ATXN3: variants seen among roughly 807,000 people sequenced by gnomAD.
ATXN3 encodes the protein ataxin 3.
ATXN3 carries 28 observed loss-of-function variants against 58.2 expected under a neutral mutation model. The ratio of observed to expected loss-of-function variants is 0.48; its 90% CI spans 0.36 to 0.66. The LOEUF (loss-of-function observed/expected upper bound fraction) is 0.66, where lower values mean the gene tolerates loss of function less well. Ranked by LOEUF, ATXN3 falls within the 30% of genes least tolerant of loss-of-function variation. ATXN3 has a pLI of 0.00. For synonymous variants in ATXN3, 113 were observed against 138.5 expected, an observed-to-expected ratio of 0.82 and a Z score of 1.29; for missense variants, 321 against 422.1, an observed-to-expected ratio of 0.76 and a Z score of 2.10.
At chr14:92,097,120 A>G (rs534755253) in intron 1 of ATXN3, among the ~76,000 whole-genome samples, 9 of 152,114 alleles carry the variant, frequency 5.9e-5, no homozygotes, top group African/African-American at 9.6e-5. Context: ...TGTGTTAGCC[A>G]GGATGGTCTT....
intron 5 of ATXN3, among the ~76,000 whole-genome samples, chr14:92,091,364 T>C (rs372281452): frequency 9.9e-5 from 15 of 152,100 alleles, no homozygotes; most frequent in Admixed American, 5.9e-4. Flanking sequence ...GACAAGAGAA[T>C]TGCTTGAACC....
intron 7 of ATXN3, 73 bp from the exon 8 acceptor site, chr14:92,082,539 T>C (rs928268752): frequency 1.5e-6 from 2 of 1,372,416 alleles, no homozygotes; most frequent in Admixed American, 2.3e-5. Flanking sequence ...GCATTTGTAA[T>C]GTAAAGGCTT....
rs957551785 is a variant in ATXN3, at chr14:92,062,260, A to C, written c.*2060T>G. Reference sequence around the variant, plus strand: ...AGACATAGCAAGACTCCGTCTCAAAAAAAAACAAAAACAAAAACAAAAACT... The same window carrying C: ...AGACATAGCAAGACTCCGTCTCAAACAAAAACAAAAACAAAAACAAAAACT... On this transcript the variant is annotated 3_prime_UTR_variant, in exon 11 of 11. Coordinates refer to ENST00000644486, the MANE Select transcript of ATXN3 (RefSeq NM_004993.6). 4 of 152,194 alleles carry C rather than the reference A, an allele frequency of 2.6e-5. No individual in the cohort carries two copies. Among genetic ancestry groups the C allele is most frequent in the Admixed American group, 2.0e-4 (3 of 15,280 alleles). 9.4% of individuals were successfully genotyped at this position (152,194 alleles called of 1,614,324 possible). A position where few individuals can be genotyped will look rare whatever the true frequency, so the allele number is the denominator to read the frequency against.
At chr14:92,069,799 T>A (rs1189029273) in intron 10 of ATXN3, among the ~76,000 whole-genome samples, 1 of 152,228 alleles carries the variant, frequency 6.6e-6, no homozygotes, top group Non-Finnish European at 1.5e-5. Context: ...GCCAAACTGT[T>A]TTCCAAAGCT....
intron 9 of ATXN3, among the ~76,000 whole-genome samples, chr14:92,079,185 C>CAA (rs35515547): frequency 0.013 from 975 of 76,662 alleles, 31 homozygotes; most frequent in East Asian, 0.033. Flanking sequence ...GACTCCATCT[C>CAA]AAAAAAAAAA....
downstream of ATXN3, among the ~76,000 whole-genome samples, chr14:92,057,480 G>C (rs927759565): frequency 1.3e-5 from 2 of 152,026 alleles, no homozygotes; most frequent in Admixed American, 6.6e-5. Flanking sequence ...CCTCAGGGCT[G>C]CTCTACCTAT....
At position 92,100,464 on chromosome 14, in the gene ATXN3, G is replaced by T. The variant is rs547101726; in HGVS notation, c.25-3626C>A. ...CAAATGGATAGCTGGGATCACAGTAGAATGGAAATTGTGTTTACTCACAAA... is the reference window on the plus strand; with the variant it reads ...CAAATGGATAGCTGGGATCACAGTATAATGGAAATTGTGTTTACTCACAAA... On this transcript the variant is annotated intron_variant, in intron 1 of 10. Coordinates refer to ENST00000644486, the MANE Select transcript of ATXN3 (RefSeq NM_004993.6). 8.5e-5 allele frequency among the ~76,000 whole-genome samples: 13 copies of T among 152,108 alleles called. No homozygotes were observed. The South Asian group carries it at 2.7e-3, about 32-fold the overall frequency.
intron 3 of ATXN3, 43 bp from the exon 4 acceptor site, chr14:92,093,874 A>C (rs931236409): frequency 8.2e-7 from 1 of 1,222,138 alleles, no homozygotes; most frequent in Non-Finnish European, 1.2e-6. Context: ...AAACCACTCC[A>C]TTCCAAATTT....
chr14:92,103,570 G>C (rs919494857), intron 1 of ATXN3, among the ~76,000 whole-genome samples: 2 of 152,074 alleles, frequency 1.3e-5, no homozygotes, highest in Non-Finnish European at 2.9e-5. Context: ...CAAGTCTACA[G>C]GCATGTGCTA....
At chr14:92,051,958 C>T (rs958238366), upstream of ATXN3, among the ~76,000 whole-genome samples, 45 of 151,310 alleles carry the variant, frequency 3.0e-4, 1 homozygote, top group African/African-American at 1.1e-3. Context: ...AACTCCTGAC[C>T]TCATGATGCA....
intron 2 of ATXN3, chr14:92,096,467 A>G: frequency 1.3e-6 from 1 of 772,418 alleles, no homozygotes; most frequent in African/African-American, 1.8e-5. Flanking sequence ...TAACAAAGAT[A>G]CAAAAAATTA....
chr14:92,089,581 G>A (rs997861397), intron 5 of ATXN3, among the ~76,000 whole-genome samples: 5 of 151,964 alleles, frequency 3.3e-5, no homozygotes, highest in East Asian at 1.9e-4. Context: ...CTTGTGATCC[G>A]CCCGCCTAGG....
downstream of ATXN3, among the ~76,000 whole-genome samples, chr14:92,053,813 G>A (rs1299445424): frequency 6.6e-6 from 1 of 151,808 alleles, no homozygotes; most frequent in Non-Finnish European, 1.5e-5. Flanking sequence ...TTCTCTTTCT[G>A]ATTGCTGGGC....
At chr14:92,053,081 G>A (rs549258431), upstream of ATXN3, among the ~76,000 whole-genome samples, 60 of 151,946 alleles carry the variant, frequency 3.9e-4, no homozygotes, top group Non-Finnish European at 1.6e-4. Flanking sequence ...GTGAAACCCC[G>A]TCTCTACTAA....
chr14:92,079,499 A>G (rs2140634567), intron 9 of ATXN3: 1 of 903,410 alleles, frequency 1.1e-6, no homozygotes, highest in African/African-American at 1.8e-5. Flanking sequence ...AAAGGTAAAT[A>G]TTTTCTTCAT....
intron 5 of ATXN3, chr14:92,090,461 A>G (rs1030628454): frequency 6.6e-6 from 1 of 152,200 alleles, no homozygotes; most frequent in Admixed American, 6.5e-5. Context: ...AACCCACAAG[A>G]TACAAAAAGT....
intron 5 of ATXN3, among the ~76,000 whole-genome samples, chr14:92,091,550 G>A (rs2063808541): frequency 6.6e-6 from 1 of 151,792 alleles, no homozygotes; most frequent in African/African-American, 2.4e-5. Flanking sequence ...TAACAATAGG[G>A]TTTTTGTTTT....
chr14:92,106,411 G>C, intron 1 of ATXN3, 118 bp downstream of exon 1: 1 of 1,354,020 alleles, frequency 7.4e-7, no homozygotes, highest in Non-Finnish European at 1.0e-6. Flanking sequence ...GCCCCTCGCC[G>C]GGCGAGATCG....
intron 1 of ATXN3, 107 bp downstream of exon 1, chr14:92,106,422 G>T: frequency 6.9e-7 from 1 of 1,451,392 alleles, no homozygotes; most frequent in South Asian, 1.1e-5. Context: ...GGCGAGATCG[G>T]CATGGGGGCG....
Sources: allele counts gnomAD v4.1 joint callset (sites outside exome capture counted in the v4.1 genomes callset), GRCh38; gene constraint gnomAD v4.1.1; transcripts MANE v1.5; gene names NCBI Gene and HGNC (gene_info 2026-07-23, HGNC 2026-07-21).